Variants in TSPAN9 observed in about 807,000 individuals in gnomAD.
TSPAN9 encodes tetraspanin-9.
A neutral mutation model predicts 31.0 loss-of-function variants in TSPAN9; 16 were observed. The observed-to-expected ratio is 0.52, with a 90% CI of 0.35 to 0.78. The LOEUF (loss-of-function observed/expected upper bound fraction) is 0.78. TSPAN9 is among the 30% of genes least tolerant of loss of function. TSPAN9 has a pLI of 0.01. For synonymous variants in TSPAN9, 145 were observed against 121.6 expected (o/e 1.19, Z -1.27); for missense variants, 272 against 312.5 (o/e 0.87, Z 0.98).
chr12:3,222,970 A>G (rs976238087), intron 3 of TSPAN9, among the ~76,000 whole-genome samples: 2 of 141,964 alleles, frequency 1.4e-5, no homozygotes, highest in Non-Finnish European at 3.1e-5. Context: ...AGGCTAAGGC[A>G]GAGGGGTGGG....
intron 2 of TSPAN9, among the ~76,000 whole-genome samples, chr12:3,198,111 G>C (rs1363602599): frequency 7.4e-5 from 6 of 81,542 alleles, no homozygotes; most frequent in African/African-American, 1.5e-4. Context: ...ACCAGCACAG[G>C]CCACCACCAG....
At chr12:3,256,539 C>G (rs746089957) in intron 3 of TSPAN9, among the ~76,000 whole-genome samples, 1 of 152,196 alleles carries the variant, frequency 6.6e-6, no homozygotes, top group African/African-American at 2.4e-5. Flanking sequence ...CTAGCGTAAT[C>G]GTCGATTTCG....
chr12:3,199,353 G>C (rs1428318440), intron 2 of TSPAN9, among the ~76,000 whole-genome samples: 2 of 152,236 alleles, frequency 1.3e-5, no homozygotes, highest in Non-Finnish European at 2.9e-5. Flanking sequence ...GCAGAAAAGA[G>C]AGGTGGGCTC....
At chr12:3,241,911 G>A (rs972741615) in intron 3 of TSPAN9, among the ~76,000 whole-genome samples, 34 of 152,354 alleles carry the variant, frequency 2.2e-4, no homozygotes, top group African/African-American at 7.5e-4. Flanking sequence ...TCTCTGCCAT[G>A]CAGCTGCTTC....
intron 2 of TSPAN9, among the ~76,000 whole-genome samples, chr12:3,096,453 A>G (rs376172604): frequency 6.6e-6 from 1 of 151,254 alleles, no homozygotes; most frequent in African/African-American, 2.4e-5. Context: ...TCTGAAGAGC[A>G]GAGGCCTTGG....
At chr12:3,079,444 T>G (rs2098296714) in intron 1 of TSPAN9, among the ~76,000 whole-genome samples, 1 of 152,134 alleles carries the variant, frequency 6.6e-6, no homozygotes, top group Admixed American at 6.5e-5. Context: ...TCTGCCTCTC[T>G]GCCCTTCTTC....
chr12:3,100,693 G>A (rs992991320), intron 2 of TSPAN9, among the ~76,000 whole-genome samples: 3 of 152,158 alleles, frequency 2.0e-5, no homozygotes, highest in Admixed American at 6.5e-5. Flanking sequence ...CTCATTTCCT[G>A]GTGTCATCCT....
At chr12:3,273,034 G>T (rs538071963) in intron 3 of TSPAN9, 1 of 152,284 alleles carries the variant, frequency 6.6e-6, no homozygotes, top group African/African-American at 2.4e-5. Context: ...TGGGCCCCTG[G>T]TGACAAAGAA....
intron 2 of TSPAN9, among the ~76,000 whole-genome samples, chr12:3,193,543 A>G (rs4766063): frequency 0.38 from 57,912 of 152,072 alleles, 11,722 homozygotes; most frequent in African/African-American, 0.53. Flanking sequence ...CTGCATGGCC[A>G]TGTTTTCTGG....
rs1369775452 is a variant in TSPAN9 at position 3,251,870 on chromosome 12, C to T, written c.64-26551C>T. On this transcript the variant is annotated intron_variant, in intron 3 of 8. Coordinates refer to ENST00000011898, the MANE Select transcript of TSPAN9 (RefSeq NM_006675.5). ...GAGCCCCTAGTGTAGTGGAGAAATACGGAGCCAGAAGGGGCTGGGACCAAC... is the reference window on the plus strand; with the variant it reads ...GAGCCCCTAGTGTAGTGGAGAAATATGGAGCCAGAAGGGGCTGGGACCAAC... Among the ~76,000 whole-genome samples the T allele has an allele frequency of 5.3e-5, 8 of 152,110 alleles. No individual in the cohort carries two copies. The South Asian group carries it at 1.2e-3, about 24-fold the overall frequency.
intron 3 of TSPAN9, among the ~76,000 whole-genome samples, chr12:3,217,793 C>T (rs571756088): frequency 5.3e-5 from 8 of 151,826 alleles, no homozygotes; most frequent in Admixed American, 3.3e-4. Flanking sequence ...GAAAGTGAGA[C>T]GTAATATGGG....
intron 3 of TSPAN9, among the ~76,000 whole-genome samples, chr12:3,210,893 G>A (rs1170988855): frequency 2.0e-5 from 3 of 151,986 alleles, no homozygotes; most frequent in East Asian, 1.9e-4. Context: ...CTATAGGCAC[G>A]TGCTACCAAG....
intron 2 of TSPAN9, among the ~76,000 whole-genome samples, chr12:3,182,131 A>G (rs192617723): frequency 2.6e-5 from 4 of 151,630 alleles, no homozygotes; most frequent in South Asian, 2.1e-4. Flanking sequence ...CCCCCAGTCA[A>G]CCCTCCTGTG....
chr12:3,111,642 C>T (rs2098318790), intron 2 of TSPAN9, among the ~76,000 whole-genome samples: 1 of 142,040 alleles, frequency 7.0e-6, no homozygotes, highest in Non-Finnish European at 1.5e-5. Context: ...GAGACAGACT[C>T]TCACTCTGCC....
intron 2 of TSPAN9, among the ~76,000 whole-genome samples, chr12:3,114,208 A>G (rs2153965621): frequency 6.6e-6 from 1 of 152,350 alleles, no homozygotes; most frequent in African/African-American, 2.4e-5. Context: ...GGCTGCAGAC[A>G]CTACGTAAAT....
intron 2 of TSPAN9, among the ~76,000 whole-genome samples, chr12:3,138,691 G>A (rs866122380): frequency 2.0e-5 from 3 of 151,524 alleles, no homozygotes; most frequent in African/African-American, 2.4e-5. Context: ...ATGGGGTTTC[G>A]TCATGTTGGC....
Position 3,209,961 on chromosome 12 carries a change from A to C in TSPAN9, c.63+8705A>C, listed in dbSNP as rs1179453058. Among the ~76,000 whole-genome samples the C allele has an allele frequency of 2.1e-3, 124 of 59,078 alleles. 3 individuals are homozygous for C. The highest frequency in any genetic ancestry group is 7.8e-3 in the African/African-American group (119 of 15,216). 38.8% of individuals were successfully genotyped at this position (59,078 alleles called of 152,430 possible). ...GCGACAGAGTGAGACTCTGTCCCAA[A>C]AAAAAAAAAAAAAAAAAAAAAAAAA... is the stretch of plus-strand genomic sequence containing the variant. On this transcript the variant is annotated intron_variant, in intron 3 of 8. Transcript: ENST00000011898.
intron 3 of TSPAN9, among the ~76,000 whole-genome samples, chr12:3,247,221 C>T (rs927662882): frequency 6.6e-6 from 1 of 151,622 alleles, no homozygotes; most frequent in African/African-American, 2.4e-5. Context: ...GACAAAGGCC[C>T]ATGAAACTTA....
At chr12:3,273,135 C>T (rs769912932) in intron 3 of TSPAN9, 1 of 152,262 alleles carries the variant, frequency 6.6e-6, no homozygotes, top group Non-Finnish European at 1.5e-5. Context: ...CGGCCCAGAC[C>T]AGATCGCCCT....
Sources: allele counts gnomAD v4.1 joint callset (sites outside exome capture counted in the v4.1 genomes callset), GRCh38; gene constraint gnomAD v4.1.1; transcripts MANE v1.5; gene names NCBI Gene and HGNC (gene_info 2026-07-23, HGNC 2026-07-21).